The following FANCI variants were observed in gnomAD, a reference collection of about 807,000 sequenced individuals.
FANCI encodes FA complementation group I, also known as Fanconi anemia group I protein.
A neutral mutation model predicts 176.1 loss-of-function variants in FANCI; 156 were observed. The ratio of observed to expected loss-of-function variants is 0.89; its 90% CI spans 0.78 to 1.01. FANCI has a LOEUF of 1.01. Ranked by LOEUF, FANCI falls within the 50% of genes least tolerant of loss-of-function variation. The probability of loss-of-function intolerance (pLI) is 0.00; values close to 1 mark genes in which losing one functional copy is unlikely to be tolerated. For missense variants in FANCI, 1,678 were observed against 1,534.1 expected (o/e 1.09, Z -1.57); for synonymous variants, 613 against 541.7 (o/e 1.13, Z -1.83).
At chr15:89,293,787 A>G (rs2054154689) in intron 22 of FANCI, 46 bp from the exon 23 acceptor site, 2 of 1,577,382 alleles carry the variant, frequency 1.3e-6, no homozygotes, top group South Asian at 1.1e-5. Context: ...GTAAACCACA[A>G]TATTCTGATG....
intron 7 of FANCI, 144 bp from the exon 8 acceptor site, chr15:89,263,759 A>G (rs1263398472): frequency 2.0e-6 from 2 of 997,136 alleles, no homozygotes; most frequent in African/African-American, 1.6e-5. Context: ...ATAATAATCT[A>G]TTATCTCTTT....
chr15:89,273,660 A>T (rs2053293762), intron 11 of FANCI, among the ~76,000 whole-genome samples, 191 bp downstream of exon 11: 1 of 152,118 alleles, frequency 6.6e-6, no homozygotes, highest in Non-Finnish European at 1.5e-5. Context: ...AAACTTTTAC[A>T]GGTTTTTGGT....
At position 89,316,780 on chromosome 15, in the gene FANCI, A is replaced by G. The variant is rs941120370; in HGVS notation, c.*321A>G. On this transcript the variant is annotated 3_prime_UTR_variant, in exon 38 of 38. Transcript: ENST00000310775. Reference sequence around the variant, plus strand: ...GGTCCAGGCTGGCTTCGTTTTTCCAAGGAGCCTTTGGTGAGTTCAATTATC... The same window carrying G: ...GGTCCAGGCTGGCTTCGTTTTTCCAGGGAGCCTTTGGTGAGTTCAATTATC... 8.7e-6 allele frequency: 14 copies of G among 1,614,044 alleles called. No individual in the cohort carries two copies. Among genetic ancestry groups the G allele is most frequent in the Non-Finnish European group, 1.2e-5 (14 of 1,179,902 alleles).
intron 16 of FANCI, 35 bp from the exon 17 acceptor site, chr15:89,283,101 A>G: frequency 4.3e-6 from 7 of 1,610,140 alleles, no homozygotes; most frequent in Non-Finnish European, 6.0e-6. Context: ...CCTGTGAAAT[A>G]GTACTGTTTG....
chr15:89,281,921 T>A, intron 16 of FANCI, 86 bp downstream of exon 16: 1 of 1,190,732 alleles, frequency 8.4e-7, no homozygotes, highest in South Asian at 1.2e-5. Context: ...TAGTACCACC[T>A]GTTCACAGTG....
At chr15:89,298,844 G>T (rs985709626) in intron 24 of FANCI, among the ~76,000 whole-genome samples, 5 of 152,098 alleles carry the variant, frequency 3.3e-5, no homozygotes, top group Non-Finnish European at 5.9e-5. Context: ...TAAGTTTAAT[G>T]GACAGATTTC....
chr15:89,293,164 C>T (rs1293256726), intron 22 of FANCI, 101 bp downstream of exon 22: 50 of 1,262,570 alleles, frequency 4.0e-5, no homozygotes, highest in Middle Eastern at 2.6e-4. Context: ...AGACCACAGA[C>T]GATGACACTG....
Position 89,293,988 on chromosome 15 carries a change from C to T in FANCI, c.2447C>T (p.Ala816Val). The T allele has an allele frequency of 1.9e-6, 3 of 1,614,144 alleles. No homozygotes were observed. Among genetic ancestry groups the T allele is most frequent in the Non-Finnish European group, 2.5e-6 (3 of 1,180,012 alleles). The stretch of plus-strand genomic sequence containing the variant: ...AAATTTGTGTCCAGTCTTCTCACTG[C>T]TCTTTTCAGGTAAGGTTCTGCTAGA... Reference protein sequence around the residue: ...SMKFVSSLLTALFRDSIQSHQ... With the variant: ...SMKFVSSLLTVLFRDSIQSHQ... The change falls in exon 23 of 38, where the codon GCT becomes GTT. Residue 816 changes from alanine (A) to valine (V), a missense_variant. Transcript: ENST00000310775.
chr15:89,308,244 T>A, intron 34 of FANCI: 1 of 916,818 alleles, frequency 1.1e-6, no homozygotes, highest in Non-Finnish European at 1.3e-6. Context: ...CATTTTGGGA[T>A]GTTGAGTAGC....
At chr15:89,290,379 A>ACT in intron 19 of FANCI, 98 bp downstream of exon 19, 1 of 930,600 alleles carries the variant, frequency 1.1e-6, no homozygotes, top group Non-Finnish European at 1.8e-6. Flanking sequence ...ATAATTCCCA[A>ACT]CTAGTACATT....
intron 20 of FANCI, 121 bp downstream of exon 20, chr15:89,291,835 T>TCA: frequency 1.2e-6 from 1 of 806,574 alleles, no homozygotes; most frequent in Non-Finnish European, 2.1e-6. Flanking sequence ...ATGTTTACTT[T>TCA]TAAGTCTTCC....
intron 37 of FANCI, 197 bp from the exon 38 acceptor site, chr15:89,316,200 T>TGTC (rs1284011277): frequency 1.8e-5 from 11 of 615,634 alleles, no homozygotes; most frequent in East Asian, 2.8e-5. Context: ...GAGGTGCCAC[T>TGTC]GTCTTATTAC....
At position 89,305,343 on chromosome 15, in the gene FANCI, T is replaced by C; in HGVS notation, c.3189T>C (p.Asp1063=). The change falls in exon 30 of 38, where the codon GAT becomes GAC. Residue 1063 remains aspartate (D), a splice_region_variant and synonymous_variant. Transcript: ENST00000310775. ...CTCACCTCTCTTCTTTTCCCCAGGA[T>C]GTAGAGGTGGAGAAAACAAACCACT... ...IHGHLGDIDQ[D]VEVEKTNHFA... 2 of 1,614,172 alleles carry C rather than the reference T, an allele frequency of 1.2e-6. No individual in the cohort carries two copies. The highest frequency in any genetic ancestry group is 1.7e-6 in the Non-Finnish European group (2 of 1,180,028).
rs1596307741 is a variant in FANCI, at chr15:89,294,991, G to A, written c.2533G>A (p.Val845Ile). ...SNEFMRYAVN[V>I]ALQKVQQLKE... ...TGAGTTTATGCGCTATGCAGTGAAT[G>A]TAGCTCTGCAGAAAGTACAGCAGCT... Residue 845 changes from valine (V) to isoleucine (I), a missense_variant, in exon 24 of 38, where the codon GTA becomes ATA. By Grantham distance (29) the Val-to-Ile change is conservative (BLOSUM62 3). This residue lies in a region of FANCI where 1,204 missense variants were observed against 1,077.4 expected (regional missense o/e 1.12). Transcript: ENST00000310775. 2 of 1,552,318 alleles carry A rather than the reference G, an allele frequency of 1.3e-6. No homozygotes were observed. Among genetic ancestry groups the A allele is most frequent in the South Asian group, 1.2e-5 (1 of 84,058 alleles).
At position 89,301,453 on chromosome 15, in the gene FANCI, C is replaced by T. The variant is rs372049835; in HGVS notation, c.3006+11C>T. ...CCCTCCTCTCCTCAGGTACTAGTAC[C>T]GCTAACTTAATCCCATTTAGCATTC... On this transcript the variant is annotated intron_variant, in intron 27 of 37. Transcript: ENST00000310775. 3.9e-5 allele frequency: 61 copies of T among 1,561,384 alleles called. No homozygotes were observed. In the African/African-American group the frequency reaches 4.6e-4, roughly 12 times the overall value.
chr15:89,315,570 A>C (rs189859561), intron 37 of FANCI, among the ~76,000 whole-genome samples, 181 bp downstream of exon 37: 2 of 152,346 alleles, frequency 1.3e-5, no homozygotes, highest in South Asian at 4.1e-4. Flanking sequence ...ACAAAATCCT[A>C]TGAAGTTGCC....
intron 8 of FANCI, 41 bp downstream of exon 8, chr15:89,264,067 G>A: frequency 6.2e-7 from 1 of 1,610,278 alleles, no homozygotes; most frequent in Non-Finnish European, 8.5e-7. Flanking sequence ...CTGGTGGTAT[G>A]ACCAGTTATG....
intron 37 of FANCI, 137 bp from the exon 38 acceptor site, chr15:89,316,260 C>T: frequency 2.3e-6 from 2 of 868,304 alleles, no homozygotes; most frequent in South Asian, 3.0e-5. Flanking sequence ...TAATTACCTC[C>T]TGTGAGTGGG....
rs78607043 is a variant in FANCI at position 89,255,329 on chromosome 15, C to A, written c.85-3375C>A. 7.9e-5 allele frequency among the ~76,000 whole-genome samples: 12 copies of A among 152,238 alleles called. 1 individual carries two copies. In the South Asian group the frequency reaches 2.5e-3, roughly 32 times the overall value. Reference sequence around the variant, plus strand: ...CTGAGCTCTTGATGTCAGTGTTATTCCTGGTGATACTGACTTTGATAACCT... The same window carrying A: ...CTGAGCTCTTGATGTCAGTGTTATTACTGGTGATACTGACTTTGATAACCT... On this transcript the variant is annotated intron_variant, in intron 2 of 37. Coordinates refer to ENST00000310775, the MANE Select transcript of FANCI (RefSeq NM_001113378.2).
Sources: gnomAD v4.1 joint callset for allele counts (sites outside exome capture counted in the v4.1 genomes callset) on GRCh38, gnomAD v4.1.1 for gene constraint, gnomAD v4.1.1 regional missense constraint, MANE v1.5 for transcripts, NCBI Gene and HGNC (gene_info 2026-07-23, HGNC 2026-07-21) for gene names.